The following LMX1B variants were observed in gnomAD, a reference collection of about 807,000 sequenced individuals.
LMX1B encodes LIM homeobox transcription factor 1-beta.
LMX1B carries 12 observed loss-of-function variants against 51.4 expected under a neutral mutation model. The ratio of observed to expected loss-of-function variants is 0.23; its 90% CI spans 0.15 to 0.38. The LOEUF (loss-of-function observed/expected upper bound fraction) is 0.38, where lower values mean the gene tolerates loss of function less well. Ranked by LOEUF, LMX1B falls within the 10% of genes least tolerant of loss-of-function variation. The pLI, the probability that LMX1B is intolerant of heterozygous loss-of-function variation, is 1.00. For missense variants in LMX1B, 445 were observed against 571.1 expected (o/e 0.78, Z 2.25); for synonymous variants, 237 against 235.4 (o/e 1.01, Z -0.06).
chr9:126,614,612 G>T (rs1835265447), intron 1 of LMX1B, 24 bp downstream of exon 1: 2 of 1,541,258 alleles, frequency 1.3e-6, no homozygotes. Flanking sequence ...CGGAACGCCC[G>T]AGTGGTCTCG....
intron 2 of LMX1B, among the ~76,000 whole-genome samples, chr9:126,636,513 G>C (rs1588271771): frequency 1.3e-5 from 2 of 152,256 alleles, no homozygotes; most frequent in African/African-American, 4.8e-5. Context: ...TTCTAAGCAG[G>C]GGGGTGTCAT....
intron 2 of LMX1B, among the ~76,000 whole-genome samples, chr9:126,657,505 G>T (rs1020088988): frequency 6.6e-6 from 1 of 152,190 alleles, no homozygotes; most frequent in African/African-American, 2.4e-5. Flanking sequence ...GGGGATGCCT[G>T]CCTGCATCTG....
chr9:126,621,652 CTTCTTTTTTTT>C (rs1274017005), intron 2 of LMX1B, among the ~76,000 whole-genome samples: 4 of 100,306 alleles, frequency 4.0e-5, no homozygotes, highest in Non-Finnish European at 7.4e-5. Flanking sequence ...CTCTCTCTCT[CTTCTTTTTTTT>C]TTTTTTTTTT....
At chr9:126,647,736 C>T (rs1019405793) in intron 2 of LMX1B, among the ~76,000 whole-genome samples, 1 of 152,248 alleles carries the variant, frequency 6.6e-6, no homozygotes, top group Non-Finnish European at 1.5e-5. Context: ...CTGGCCCAAG[C>T]ATGAGGTTAC....
chr9:126,642,198 A>G (rs1295826891), intron 2 of LMX1B, among the ~76,000 whole-genome samples: 1 of 152,082 alleles, frequency 6.6e-6, no homozygotes, highest in Non-Finnish European at 1.5e-5. Context: ...GGCCTGGCAC[A>G]CCCGGGCCTG....
At chr9:126,624,191 C>A (rs1443645450) in intron 2 of LMX1B, among the ~76,000 whole-genome samples, 1 of 152,238 alleles carries the variant, frequency 6.6e-6, no homozygotes, top group East Asian at 1.9e-4. Context: ...CCTGCAGCAG[C>A]TTTCGGGCTT....
intron 2 of LMX1B, among the ~76,000 whole-genome samples, chr9:126,678,266 T>C (rs1836604575): frequency 6.8e-6 from 1 of 146,946 alleles, no homozygotes; most frequent in Non-Finnish European, 1.5e-5. Flanking sequence ...GCCAAGATCA[T>C]GCCATTGCAC....
In LMX1B at chr9:126,641,666, C is replaced by T. The variant is rs770564935; in HGVS notation, c.326+26097C>T. On this transcript the variant is annotated intron_variant, in intron 2 of 7. Coordinates refer to ENST00000373474, the MANE Select transcript of LMX1B (RefSeq NM_001174147.2). The surrounding 1 kb of genome is among the most constrained non-coding windows in gnomAD (Gnocchi z 4.1). Reference sequence around the variant, plus strand: ...CCAGTCCCTCCGCTGGAACCCACCACGCTGCTTGCTGAGCTGCACTGGGGA... The same window carrying T: ...CCAGTCCCTCCGCTGGAACCCACCATGCTGCTTGCTGAGCTGCACTGGGGA... Among the ~76,000 whole-genome samples the T allele has an allele frequency of 1.3e-5, 2 of 152,152 alleles. No individual in the cohort carries two copies. The highest frequency in any genetic ancestry group is 2.4e-5 in the African/African-American group (1 of 41,430).
At chr9:126,674,109 C>T (rs2118951728) in intron 2 of LMX1B, among the ~76,000 whole-genome samples, 1 of 152,168 alleles carries the variant, frequency 6.6e-6, no homozygotes, top group South Asian at 2.1e-4. Context: ...AGGGGGGAAA[C>T]CTCTAGTTCT....
rs1835499606 is a variant in LMX1B, at chr9:126,625,216, G to A, written c.326+9647G>A. On this transcript the variant is annotated intron_variant, in intron 2 of 7. Coordinates refer to ENST00000373474, the MANE Select transcript of LMX1B (RefSeq NM_001174147.2). This position sits in a 1 kb window ranked among gnomAD's most constrained non-coding sequence, Gnocchi z 5.3. ...GGCTCCGGCCCTGTAGCCCCCTGAC[G>A]CTTTTCGTTTCCGAGCGCGCTTGGG... Among the ~76,000 whole-genome samples, 1 of 152,260 alleles carries A rather than the reference G, an allele frequency of 6.6e-6. No individual in the cohort carries two copies. The highest frequency in any genetic ancestry group is 1.5e-5 in the Non-Finnish European group (1 of 68,046).
chr9:126,668,278 C>T (rs1164029162), intron 2 of LMX1B, among the ~76,000 whole-genome samples: 3 of 152,046 alleles, frequency 2.0e-5, no homozygotes, highest in African/African-American at 7.2e-5. Context: ...TGAGCACAGT[C>T]CTGGCCACTC....
intron 2 of LMX1B, among the ~76,000 whole-genome samples, chr9:126,672,701 G>A (rs538121502): frequency 9.8e-5 from 15 of 152,292 alleles, no homozygotes; most frequent in South Asian, 2.1e-4. Flanking sequence ...AGCATGTGCC[G>A]TAAAGATGTC....
chr9:126,616,496 A>G (rs1198147759), intron 2 of LMX1B, among the ~76,000 whole-genome samples: 1 of 152,216 alleles, frequency 6.6e-6, no homozygotes, highest in Non-Finnish European at 1.5e-5. Context: ...GGAGGCAGTG[A>G]GGAGCCACAA....
At chr9:126,628,995 A>T (rs909810197) in intron 2 of LMX1B, among the ~76,000 whole-genome samples, 7 of 2,494 alleles carry the variant, frequency 2.8e-3, no homozygotes, top group East Asian at 0.25. Context: ...AATTAGATTA[A>T]AAAAAAAAAA....
In LMX1B at chr9:126,625,515, G is replaced by A. The variant is rs1459751683; in HGVS notation, c.326+9946G>A. On this transcript the variant is annotated intron_variant, in intron 2 of 7. Transcript: ENST00000373474. The surrounding 1 kb of genome is among the most constrained non-coding windows in gnomAD (Gnocchi z 5.3). Reference sequence around the variant, plus strand: ...GAGGCCGAATGGAGATGCCAGGCTGGGGCCCTCGGCGGGGCAGATTTCGTT... The same window carrying A: ...GAGGCCGAATGGAGATGCCAGGCTGAGGCCCTCGGCGGGGCAGATTTCGTT... Among the ~76,000 whole-genome samples, 1 of 152,228 alleles carries A rather than the reference G, an allele frequency of 6.6e-6. No homozygotes were observed. The highest frequency in any genetic ancestry group is 1.5e-5 in the Non-Finnish European group (1 of 68,034).
At position 126,695,730 on chromosome 9, in the gene LMX1B, C is replaced by T; in HGVS notation, c.887-109C>T. On this transcript the variant is annotated intron_variant, in intron 6 of 7. Coordinates refer to ENST00000373474, the MANE Select transcript of LMX1B (RefSeq NM_001174147.2). This position sits in a 1 kb window ranked among gnomAD's most constrained non-coding sequence, Gnocchi z 5.2. ...GAGTCAGTGTCTGGACAGCTTCAGC[C>T]AGAGTGGGGTGCCTGGGGAGTCCCA... 2.3e-6 allele frequency: 3 copies of T among 1,281,554 alleles called. No homozygotes were observed. The highest frequency in any genetic ancestry group is 2.2e-6 in the Non-Finnish European group (2 of 902,336). The allele number at this position is 1,281,554 out of a possible 1,614,324, so 79.4% of individuals were successfully genotyped here. A position where few individuals can be genotyped will look rare whatever the true frequency, so the allele number is the denominator to read the frequency against.
At position 126,673,613 on chromosome 9, in the gene LMX1B, G is replaced by A. The variant is rs149169370; in HGVS notation, c.327-17223G>A. On this transcript the variant is annotated intron_variant, in intron 2 of 7. Transcript: ENST00000373474. The surrounding 1 kb of genome is among the most constrained non-coding windows in gnomAD (Gnocchi z 4.4). Reference sequence around the variant, plus strand: ...AGGCACCCAGCTTCACCAGGTCCCCGGGCTCTGAGACACTCCACCTCCACT... The same window carrying A: ...AGGCACCCAGCTTCACCAGGTCCCCAGGCTCTGAGACACTCCACCTCCACT... Among the ~76,000 whole-genome samples, 379 of 152,190 alleles carry A rather than the reference G, an allele frequency of 2.5e-3. 1 individual carries two copies. The highest frequency in any genetic ancestry group is 8.5e-3 in the African/African-American group (351 of 41,516).
At chr9:126,663,841 C>T (rs1349182131) in intron 2 of LMX1B, among the ~76,000 whole-genome samples, 1 of 152,270 alleles carries the variant, frequency 6.6e-6, no homozygotes, top group Non-Finnish European at 1.5e-5. Context: ...GAAATGGGCT[C>T]ATCCCAGACC....
At chr9:126,631,365 T>C in intron 2 of LMX1B, among the ~76,000 whole-genome samples, 1 of 152,184 alleles carries the variant, frequency 6.6e-6, no homozygotes, top group South Asian at 2.1e-4. Flanking sequence ...CTCAACCCTG[T>C]GTTCTGCTTG....
Sources: allele counts gnomAD v4.1 joint callset (sites outside exome capture counted in the v4.1 genomes callset), GRCh38; gene constraint gnomAD v4.1.1; non-coding constraint Gnocchi (gnomAD v3.1); transcripts MANE v1.5; gene names NCBI Gene and HGNC (gene_info 2026-07-23, HGNC 2026-07-21).